TRERF1: variants seen among roughly 807,000 people sequenced by gnomAD.
TRERF1 encodes the protein transcriptional-regulating factor 1.
In TRERF1, 27 loss-of-function variants were observed where a neutral mutation model predicts 122.9. The observed-to-expected ratio is 0.22, with a 90% CI of 0.16 to 0.30. The LOEUF (loss-of-function observed/expected upper bound fraction) is 0.30, where lower values mean the gene tolerates loss of function less well. TRERF1 is among the 10% of genes least tolerant of loss of function. The pLI is 1.00. For missense variants in TRERF1, 1,248 were observed against 1,560.3 expected, an observed-to-expected ratio of 0.80 and a Z score of 3.37; for synonymous variants, 636 against 641.7, an observed-to-expected ratio of 0.99 and a Z score of 0.13.
intron 2 of TRERF1, among the ~76,000 whole-genome samples, chr6:42,418,258 C>CTTTA (rs1384299239): frequency 1.1e-4 from 1 of 8,858 alleles, no homozygotes. Flanking sequence ...TTTGCTCTTT[C>CTTTA]TTTCTTTCTT....
At chr6:42,383,963 C>T (rs1399049658) in intron 2 of TRERF1, among the ~76,000 whole-genome samples, 1 of 151,770 alleles carries the variant, frequency 6.6e-6, no homozygotes, top group African/African-American at 2.4e-5. Flanking sequence ...TTACTGGTAA[C>T]TCATCAATGA....
At chr6:42,264,504 C>G (rs1189623899) in intron 7 of TRERF1, among the ~76,000 whole-genome samples, 200 bp downstream of exon 7, 1 of 152,234 alleles carries the variant, frequency 6.6e-6, no homozygotes, top group Admixed American at 6.5e-5. Flanking sequence ...CTGATTTTGA[C>G]CCTTGCTCAT....
chr6:42,321,152 C>CAA (rs34358572), intron 3 of TRERF1, among the ~76,000 whole-genome samples: 1,571 of 103,410 alleles, frequency 0.015, 31 homozygotes, highest in African/African-American at 0.048. Flanking sequence ...TCTTCCAAGC[C>CAA]AAAAAAAAAA....
chr6:42,405,883 A>G (rs539594096), intron 2 of TRERF1, among the ~76,000 whole-genome samples: 1 of 151,978 alleles, frequency 6.6e-6, no homozygotes, highest in Non-Finnish European at 1.5e-5. Context: ...AGGCAGGGGG[A>G]AGCAACTACC....
chr6:42,411,361 A>G (rs1278216345), intron 2 of TRERF1, among the ~76,000 whole-genome samples: 1 of 152,214 alleles, frequency 6.6e-6, no homozygotes, highest in East Asian at 1.9e-4. Flanking sequence ...CAGATGAGCT[A>G]GAATTCAAAC....
At chr6:42,236,314 G>C in exon 16 of TRERF1, 1 of 1,604,848 alleles carries the variant, frequency 6.2e-7, no homozygotes, top group Non-Finnish European at 8.5e-7. Flanking sequence ...TGGCTCCGGG[G>C]ACTTCGGCAC....
intron 3 of TRERF1, among the ~76,000 whole-genome samples, chr6:42,302,310 A>G (rs961952052): frequency 6.6e-6 from 1 of 152,132 alleles, no homozygotes; most frequent in Non-Finnish European, 1.5e-5. Context: ...TTAACTGCCT[A>G]TTTCCTTAAT....
In TRERF1 at chr6:42,259,668, G is replaced by A. The variant is rs1582627127; in HGVS notation, c.1940C>T (p.Thr647Ile). The change falls in exon 9 of 18, where the codon ACC becomes ATC. Residue 647 changes from threonine (T) to isoleucine (I), a missense_variant. Transcript: ENST00000372922. The surrounding 1 kb of genome is among the most constrained non-coding windows in gnomAD (Gnocchi z 4.9). ...CCGGAACTTTTTCTTCTCCTGCACG[G>A]TCTTGAGGGGCTCCTCGGCTTTGGG... is the stretch of plus-strand genomic sequence containing the variant. 6.2e-7 allele frequency: 1 copy of A among 1,609,898 alleles called. No homozygotes were observed.
At position 42,420,882 on chromosome 6, in the gene TRERF1, T is replaced by C. The variant is rs187414902; in HGVS notation, c.-454+30295A>G. 4.1e-3 allele frequency among the ~76,000 whole-genome samples: 625 copies of C among 152,342 alleles called. 6 individuals carry two copies. Among genetic ancestry groups the C allele is most frequent in the Non-Finnish European group, 3.4e-3 (230 of 68,032 alleles). On this transcript the variant is annotated intron_variant, in intron 2 of 17. Transcript: ENST00000372922. ...ACAAGAATTCTGCTTCCACTGTCCC[T>C]GACAGGGGGCCACCCAGCCTCTGCC...
At chr6:42,246,639 A>G in intron 13 of TRERF1, 95 bp from the exon 14 acceptor site, 1 of 839,388 alleles carries the variant, frequency 1.2e-6, no homozygotes, top group South Asian at 1.7e-5. Flanking sequence ...ACAACTACAG[A>G]GCAAGTGATA....
chr6:42,238,384 T>C (rs1218460876), intron 15 of TRERF1, among the ~76,000 whole-genome samples: 2 of 152,226 alleles, frequency 1.3e-5, no homozygotes, highest in South Asian at 2.1e-4. Context: ...GGAATTTAGA[T>C]AGGTGTTATT....
At chr6:42,387,652 T>C (rs1777028915) in intron 2 of TRERF1, among the ~76,000 whole-genome samples, 1 of 152,250 alleles carries the variant, frequency 6.6e-6, no homozygotes, top group South Asian at 2.1e-4. Context: ...TGCTGAACAC[T>C]GAATTCATTA....
chr6:42,384,062 T>G (rs1776391793), intron 2 of TRERF1, among the ~76,000 whole-genome samples: 1 of 151,950 alleles, frequency 6.6e-6, no homozygotes, highest in East Asian at 1.9e-4. Flanking sequence ...GAAAGGATAC[T>G]TAGTATGTCT....
Position 42,259,512 on chromosome 6 carries a change from A to C in TRERF1, c.2096T>G (p.Leu699Arg). The C allele has an allele frequency of 6.2e-7, 1 of 1,612,760 alleles. No homozygotes were observed. Among genetic ancestry groups the C allele is most frequent in the Non-Finnish European group, 8.5e-7 (1 of 1,179,738 alleles). ...AGGGGGCAGCTCGTGGGTGGGGTCC[A>C]GGAGCAGGTGGTCCCCGAGGACGCG... is the stretch of plus-strand genomic sequence containing the variant. Residue 699 changes from leucine (L) to arginine (R), a missense_variant, in exon 9 of 18, where the codon CTG becomes CGG. This residue lies in a region of TRERF1 where 946 missense variants were observed against 1,073.0 expected (regional missense o/e 0.88). Transcript: ENST00000372922. This position sits in a 1 kb window ranked among gnomAD's most constrained non-coding sequence, Gnocchi z 4.9.
intron 3 of TRERF1, among the ~76,000 whole-genome samples, chr6:42,307,680 T>A (rs1439234994): frequency 3.1e-5 from 4 of 130,196 alleles, no homozygotes; most frequent in African/African-American, 6.5e-5. Context: ...AGGGGAGAGG[T>A]AAATGTATGA....
chr6:42,255,006 A>G (rs766391434), intron 12 of TRERF1, 80 bp from the exon 13 acceptor site: 1 of 1,465,152 alleles, frequency 6.8e-7, no homozygotes, highest in Non-Finnish European at 9.5e-7. Flanking sequence ...CCAAAGGGGA[A>G]AAGCGGTTAG....
chr6:42,263,487 G>A lies in TRERF1; in HGVS notation c.1717C>T (p.Pro573Ser). 1 of 1,586,754 alleles carries A rather than the reference G, an allele frequency of 6.3e-7. No individual in the cohort carries two copies. Residue 573 changes from proline to serine, a missense_variant, in exon 8 of 18, where the codon CCT becomes TCT. Pro to Ser is a moderately conservative substitution (Grantham distance 74). Coordinates refer to ENST00000372922, the Ensembl canonical transcript of TRERF1. The surrounding 1 kb of genome is among the most constrained non-coding windows in gnomAD (Gnocchi z 5.6). Reference sequence around the variant, plus strand: ...GGCGTGAGGCTTTCTGCCTCGGGAGGGAGCTGTGGTGGCGGCGGAGGCGGA... The same window carrying A: ...GGCGTGAGGCTTTCTGCCTCGGGAGAGAGCTGTGGTGGCGGCGGAGGCGGA...
chr6:42,444,653 C>T (rs1324220066), intron 2 of TRERF1, among the ~76,000 whole-genome samples: 1 of 152,146 alleles, frequency 6.6e-6, no homozygotes, highest in African/African-American at 2.4e-5. Context: ...AGATCTTCCC[C>T]TCAGACCTTC....
intron 3 of TRERF1, among the ~76,000 whole-genome samples, chr6:42,350,648 T>C (rs1191966461): frequency 6.6e-6 from 1 of 152,086 alleles, no homozygotes; most frequent in Admixed American, 6.5e-5. Context: ...GTAACAAAAA[T>C]TCACATTAAG....
Sources: gnomAD v4.1 joint callset for allele counts (sites outside exome capture counted in the v4.1 genomes callset) on GRCh38, gnomAD v4.1.1 for gene constraint, gnomAD v4.1.1 regional missense constraint, Gnocchi (gnomAD v3.1) non-coding constraint, MANE v1.5 for transcripts, NCBI Gene and HGNC (gene_info 2026-07-23, HGNC 2026-07-21) for gene names.